NAALADL2: variants seen among roughly 807,000 people sequenced by gnomAD.
NAALADL2 encodes the protein N-acetylated alpha-linked acidic dipeptidase like 2.
In NAALADL2, 76 loss-of-function variants were observed where a neutral mutation model predicts 87.2. The ratio of observed to expected loss-of-function variants is 0.87; its 90% confidence interval spans 0.72 to 1.05. NAALADL2 has a LOEUF of 1.05. NAALADL2 is among the 50% of genes least tolerant of loss of function. The probability of loss-of-function intolerance (pLI) is 0.00; values close to 1 mark genes in which losing one functional copy is unlikely to be tolerated. For missense variants in NAALADL2, 1,089 were observed against 945.8 expected, an observed-to-expected ratio of 1.15 and a Z score of -1.99; for synonymous variants, 354 against 331.0, an observed-to-expected ratio of 1.07 and a Z score of -0.75.
intron 1 of NAALADL2, among the ~76,000 whole-genome samples, chr3:175,038,787 T>C (rs901680207): frequency 6.7e-6 from 1 of 149,708 alleles, no homozygotes; most frequent in Non-Finnish European, 1.5e-5. Flanking sequence ...GGAATTTTCT[T>C]TTTTTTTTTA....
intron 10 of NAALADL2, among the ~76,000 whole-genome samples, chr3:175,619,234 A>AG (rs1333769306): frequency 2.2e-4 from 24 of 107,350 alleles, no homozygotes; most frequent in South Asian, 9.7e-4. Flanking sequence ...AGAGAAAGAA[A>AG]GAAAGGAAGG....
chr3:174,625,057 C>CTTT (rs1553802468), intron 2 of NAALADL2, among the ~76,000 whole-genome samples: 17 of 78,848 alleles, frequency 2.2e-4, no homozygotes, highest in African/African-American at 4.5e-4. Flanking sequence ...CTCTCTCTCT[C>CTTT]TTTTTTTTTT....
chr3:175,546,025 G>A (rs912742647), intron 9 of NAALADL2, among the ~76,000 whole-genome samples: 1 of 152,072 alleles, frequency 6.6e-6, no homozygotes, highest in African/African-American at 2.4e-5. Flanking sequence ...AGATGTAATA[G>A]AGTACAATAC....
At chr3:174,725,371 C>T (rs562760794) in intron 2 of NAALADL2, among the ~76,000 whole-genome samples, 1 of 152,238 alleles carries the variant, frequency 6.6e-6, no homozygotes, top group Non-Finnish European at 1.5e-5. Context: ...AACCATCCCA[C>T]TTTTATTTAC....
chr3:175,579,943 C>A (rs185116730), intron 10 of NAALADL2, among the ~76,000 whole-genome samples: 246 of 152,226 alleles, frequency 1.6e-3, no homozygotes, highest in Middle Eastern at 0.01. Flanking sequence ...AGCTCTGATT[C>A]CTCACTCTGT....
chr3:174,661,559 T>C (rs1252122844), intron 2 of NAALADL2, among the ~76,000 whole-genome samples: 1 of 152,128 alleles, frequency 6.6e-6, no homozygotes, highest in Non-Finnish European at 1.5e-5. Context: ...TCTTCTTTCT[T>C]CTTTCTTCGT....
intron 1 of NAALADL2, among the ~76,000 whole-genome samples, chr3:174,921,804 C>CAAAAAA (rs546555666): frequency 1.2e-4 from 5 of 42,152 alleles, no homozygotes; most frequent in South Asian, 7.8e-4. Flanking sequence ...GACTCCGTCT[C>CAAAAAA]AAAAAAAAAA....
At chr3:174,642,760 AT>A (rs1723362410) in intron 2 of NAALADL2, among the ~76,000 whole-genome samples, 2 of 21,878 alleles carry the variant, frequency 9.1e-5, no homozygotes, top group Non-Finnish European at 1.5e-4. Flanking sequence ...ATATATATAT[AT>A]ATATATATAT....
intron 9 of NAALADL2, among the ~76,000 whole-genome samples, chr3:175,485,184 G>C (rs546409392): frequency 6.6e-6 from 1 of 152,092 alleles, no homozygotes; most frequent in Non-Finnish European, 1.5e-5. Context: ...TGTACTGAAT[G>C]TTTGTGTTTC....
intron 2 of NAALADL2, among the ~76,000 whole-genome samples, chr3:175,191,818 A>G (rs1308170086): frequency 1.3e-5 from 2 of 152,220 alleles, no homozygotes; most frequent in East Asian, 3.8e-4. Flanking sequence ...AACTAATTAG[A>G]TCACACTTAA....
chr3:175,137,634 C>A (rs1729317744), intron 2 of NAALADL2, among the ~76,000 whole-genome samples: 1 of 144,682 alleles, frequency 6.9e-6, no homozygotes, highest in African/African-American at 2.6e-5. Context: ...GAGACAGAGT[C>A]TCCCTCTGTT....
At chr3:174,719,933 C>A (rs1321086211) in intron 2 of NAALADL2, among the ~76,000 whole-genome samples, 8 of 152,170 alleles carry the variant, frequency 5.3e-5, no homozygotes, top group Non-Finnish European at 2.9e-5. Context: ...TCCTGAGTAG[C>A]TGAGACTGCA....
At chr3:175,645,597 G>A (rs1053916284) in intron 11 of NAALADL2, among the ~76,000 whole-genome samples, 2 of 152,018 alleles carry the variant, frequency 1.3e-5, no homozygotes, top group African/African-American at 4.8e-5. Context: ...AAAGAGTCAA[G>A]CAGAGAAATC....
At chr3:175,466,836 C>CA (rs79129100) in intron 7 of NAALADL2, 143 bp from the exon 8 acceptor site, 63,253 of 682,748 alleles carry the variant, frequency 0.093, 4,776 homozygotes, top group African/African-American at 0.33. Context: ...AGACAGTGAG[C>CA]AAAAAAATTA....
intron 2 of NAALADL2, among the ~76,000 whole-genome samples, chr3:174,608,490 G>A (rs1371606922): frequency 4.0e-5 from 6 of 150,618 alleles, no homozygotes; most frequent in African/African-American, 7.3e-5. Flanking sequence ...TATCACCACC[G>A]ATCCCACAGA....
chr3:175,121,744 A>G (rs1003553098), intron 2 of NAALADL2, among the ~76,000 whole-genome samples: 4 of 151,982 alleles, frequency 2.6e-5, no homozygotes, highest in African/African-American at 9.6e-5. Context: ...CACAGAGCCA[A>G]GATACCCCCA....
intron 9 of NAALADL2, among the ~76,000 whole-genome samples, chr3:175,491,198 T>C (rs1728035690): frequency 6.8e-6 from 1 of 146,076 alleles, no homozygotes; most frequent in Non-Finnish European, 1.5e-5. Flanking sequence ...TTTATTGTCC[T>C]ATAAATATAA....
At chr3:175,465,270 GAC>G (rs1265133582) in intron 7 of NAALADL2, among the ~76,000 whole-genome samples, 3 of 137,718 alleles carry the variant, frequency 2.2e-5, no homozygotes, top group Non-Finnish European at 4.7e-5. Flanking sequence ...AAAAAAAAAA[GAC>G]TATTTACATA....
chr3:175,625,217 G>T (rs1420447500), intron 10 of NAALADL2, among the ~76,000 whole-genome samples: 2 of 151,974 alleles, frequency 1.3e-5, no homozygotes, highest in Non-Finnish European at 2.9e-5. Context: ...GATAGTTACA[G>T]TTCTATTTAA....
Sources: allele counts gnomAD v4.1 joint callset (sites outside exome capture counted in the v4.1 genomes callset), GRCh38; gene constraint gnomAD v4.1.1; transcripts MANE v1.5; gene names NCBI Gene and HGNC (gene_info 2026-07-23, HGNC 2026-07-21).